Variants in PRMT3 observed in about 807,000 individuals in gnomAD.
The protein encoded by PRMT3 is protein arginine N-methyltransferase 3.
A neutral mutation model predicts 71.9 loss-of-function variants in PRMT3; 62 were observed. The ratio of observed to expected loss-of-function variants is 0.86; its 90% CI spans 0.70 to 1.07. The LOEUF (loss-of-function observed/expected upper bound fraction) is 1.07. Among genes scored for constraint, PRMT3 ranks in the 50% least tolerant of loss-of-function variants. PRMT3 has a pLI of 0.00. For missense variants in PRMT3, 663 were observed against 643.0 expected, an observed-to-expected ratio of 1.03 and a Z score of -0.34; for synonymous variants, 213 against 220.4, an observed-to-expected ratio of 0.97 and a Z score of 0.30.
At chr11:20,477,607 C>A (rs1445586602) in intron 13 of PRMT3, among the ~76,000 whole-genome samples, 1 of 151,906 alleles carries the variant, frequency 6.6e-6, no homozygotes, top group Non-Finnish European at 1.5e-5. Flanking sequence ...CTGTTCTTGA[C>A]GGGAGGGTAT....
At chr11:20,428,430 A>G (rs1247547898) in intron 10 of PRMT3, among the ~76,000 whole-genome samples, 2 of 152,196 alleles carry the variant, frequency 1.3e-5, no homozygotes, top group Non-Finnish European at 2.9e-5. Context: ...ATCTGATTAC[A>G]ATAACTAATG....
intron 12 of PRMT3, among the ~76,000 whole-genome samples, chr11:20,463,986 T>G (rs1850447721): frequency 1.3e-5 from 2 of 152,248 alleles, no homozygotes; most frequent in Non-Finnish European, 2.9e-5. Context: ...GACATGAATT[T>G]TAAAACAACT....
intron 10 of PRMT3, among the ~76,000 whole-genome samples, chr11:20,438,988 G>T (rs1425144312): frequency 6.6e-6 from 1 of 152,146 alleles, no homozygotes; most frequent in Non-Finnish European, 1.5e-5. Flanking sequence ...TCACAACTCT[G>T]CCTGGGGAAG....
intron 9 of PRMT3, among the ~76,000 whole-genome samples, chr11:20,416,689 C>T (rs975625327): frequency 5.3e-5 from 8 of 151,978 alleles, no homozygotes; most frequent in African/African-American, 9.7e-5. Context: ...TTGCTAATTT[C>T]GAACAATAAA....
intron 9 of PRMT3, among the ~76,000 whole-genome samples, chr11:20,420,683 C>T (rs1187437224): frequency 9.9e-5 from 15 of 152,152 alleles, no homozygotes; most frequent in Admixed American, 9.8e-4. Flanking sequence ...GATTGTCTTC[C>T]ACGAAACTGG....
intron 5 of PRMT3, among the ~76,000 whole-genome samples, chr11:20,394,435 A>C (rs7394821): frequency 0.82 from 124,690 of 151,980 alleles, 53,074 homozygotes; most frequent in Non-Finnish European, 0.95. Flanking sequence ...CGCTGTCCTT[A>C]GGAATGTTTT....
At chr11:20,410,281 G>A (rs1162887352) in intron 9 of PRMT3, among the ~76,000 whole-genome samples, 1 of 151,944 alleles carries the variant, frequency 6.6e-6, no homozygotes, top group Non-Finnish European at 1.5e-5. Flanking sequence ...TACTTAATGA[G>A]GAAAATGTTT....
At chr11:20,423,028 A>G (rs568813226) in intron 9 of PRMT3, among the ~76,000 whole-genome samples, 3 of 152,142 alleles carry the variant, frequency 2.0e-5, no homozygotes, top group Non-Finnish European at 2.9e-5. Context: ...TAATATCCCA[A>G]ATCTCTTAGT....
chr11:20,455,791 A>G (rs1850255515), intron 11 of PRMT3, among the ~76,000 whole-genome samples: 1 of 152,028 alleles, frequency 6.6e-6, no homozygotes, highest in African/African-American at 2.4e-5. Flanking sequence ...TATACATGGC[A>G]TCTCATATAA....
At chr11:20,473,997 T>A (rs1850716872) in intron 13 of PRMT3, among the ~76,000 whole-genome samples, 1 of 152,268 alleles carries the variant, frequency 6.6e-6, no homozygotes, top group East Asian at 1.9e-4. Context: ...ATACCAAGTG[T>A]CATACAGGGT....
intron 10 of PRMT3, among the ~76,000 whole-genome samples, chr11:20,436,008 TGTA>T (rs1849752490): frequency 6.6e-6 from 1 of 152,222 alleles, no homozygotes; most frequent in South Asian, 2.1e-4. Flanking sequence ...ATCAGTATTT[TGTA>T]GTTTTCATTG....
At chr11:20,491,431 T>A (rs143166068) in intron 13 of PRMT3, among the ~76,000 whole-genome samples, 1 of 152,308 alleles carries the variant, frequency 6.6e-6, no homozygotes, top group African/African-American at 2.4e-5. Flanking sequence ...TTGTGTAAAC[T>A]GTGTGTCTTG....
chr11:20,446,859 G>A (rs745564503), intron 10 of PRMT3, among the ~76,000 whole-genome samples: 2 of 152,164 alleles, frequency 1.3e-5, no homozygotes, highest in African/African-American at 2.4e-5. Context: ...TCAGCCGCCT[G>A]TATTTTGCCA....
chr11:20,394,223 C>T (rs1358883495), intron 5 of PRMT3, among the ~76,000 whole-genome samples: 1 of 152,074 alleles, frequency 6.6e-6, no homozygotes, highest in East Asian at 1.9e-4. Context: ...TAAGTTGATC[C>T]GAAAGTTAGA....
intron 13 of PRMT3, among the ~76,000 whole-genome samples, chr11:20,483,095 G>A (rs1007466454): frequency 2.0e-5 from 3 of 151,874 alleles, no homozygotes; most frequent in Admixed American, 6.6e-5. Context: ...CTGTTAAATC[G>A]TTGTTTCAGT....
At chr11:20,423,309 C>T (rs1235143891) in intron 9 of PRMT3, among the ~76,000 whole-genome samples, 1 of 152,072 alleles carries the variant, frequency 6.6e-6, no homozygotes, top group African/African-American at 2.4e-5. Context: ...ATGTATTTTG[C>T]CTATAATTCT....
At chr11:20,440,679 T>A (rs1265490798) in intron 10 of PRMT3, among the ~76,000 whole-genome samples, 6 of 152,000 alleles carry the variant, frequency 3.9e-5, no homozygotes, top group Non-Finnish European at 8.8e-5. Context: ...TACTATATAT[T>A]AAAATAGTAA....
intron 10 of PRMT3, among the ~76,000 whole-genome samples, chr11:20,443,405 T>G (rs1373729198): frequency 6.6e-6 from 1 of 152,206 alleles, no homozygotes; most frequent in Middle Eastern, 3.2e-3. Flanking sequence ...AGTTCTCACT[T>G]TGGTTGAACT....
At chr11:20,503,754 G>C (rs892721739) in intron 15 of PRMT3, among the ~76,000 whole-genome samples, 1 of 151,962 alleles carries the variant, frequency 6.6e-6, no homozygotes, top group Non-Finnish European at 1.5e-5. Context: ...ATTGCTTTCA[G>C]TTAGGGGCCA....
Sources: allele counts gnomAD v4.1 joint callset (sites outside exome capture counted in the v4.1 genomes callset), GRCh38; gene constraint gnomAD v4.1.1; transcripts MANE v1.5; gene names NCBI Gene and HGNC (gene_info 2026-07-23, HGNC 2026-07-21).